Variants in RBFOX1 observed in about 807,000 individuals in gnomAD.
RBFOX1 encodes RNA binding fox-1 homolog 1, also known as RNA binding protein fox-1 homolog 1.
RBFOX1 carries 8 observed loss-of-function variants against 57.7 expected under a neutral mutation model. The ratio of observed to expected loss-of-function variants is 0.14; its 90% CI spans 0.08 to 0.25. The LOEUF is 0.25. Ranked by LOEUF, RBFOX1 falls within the 10% of genes least tolerant of loss-of-function variation. The pLI, the probability that RBFOX1 is intolerant of heterozygous loss-of-function variation, is 1.00. For missense variants in RBFOX1, 611 were observed against 548.5 expected (o/e 1.11, Z -1.14); for synonymous variants, 326 against 222.4 (o/e 1.47, Z -4.15).
chr16:6,475,856 A>T (rs1017017650), intron 2 of RBFOX1, among the ~76,000 whole-genome samples: 10 of 152,214 alleles, frequency 6.6e-5, no homozygotes, highest in African/African-American at 2.4e-4. Context: ...AACTTCTAGC[A>T]GAAAGGATAA....
chr16:6,655,113 C>T (rs1040423861), intron 3 of RBFOX1, among the ~76,000 whole-genome samples: 1 of 151,626 alleles, frequency 6.6e-6, no homozygotes, highest in African/African-American at 2.4e-5. Flanking sequence ...GTGGCTCATG[C>T]CTATAATCCC....
intron 1 of RBFOX1, among the ~76,000 whole-genome samples, chr16:5,379,484 A>T (rs2066075824): frequency 1.4e-5 from 2 of 147,234 alleles, no homozygotes; most frequent in Admixed American, 1.3e-4. Flanking sequence ...TGACACAGTC[A>T]TTCACACCTT....
At chr16:7,202,851 G>A (rs2088947203) in intron 4 of RBFOX1, among the ~76,000 whole-genome samples, 1 of 152,162 alleles carries the variant, frequency 6.6e-6, no homozygotes, top group Admixed American at 6.5e-5. Flanking sequence ...GGTCCCTGGT[G>A]CCAAAAAGGT....
At chr16:5,636,340 C>T (rs942745575) in intron 3 of RBFOX1, among the ~76,000 whole-genome samples, 2 of 152,152 alleles carry the variant, frequency 1.3e-5, no homozygotes, top group Admixed American at 6.5e-5. Flanking sequence ...AAGAGTGAAA[C>T]TCTGTCTCAA....
intron 3 of RBFOX1, among the ~76,000 whole-genome samples, chr16:5,666,613 A>T (rs1029381218): frequency 6.6e-6 from 1 of 152,248 alleles, no homozygotes; most frequent in Admixed American, 6.5e-5. Context: ...TAGAATCCAC[A>T]GAAGAAGGAG....
chr16:6,716,272 A>C (rs1342983103), intron 3 of RBFOX1, among the ~76,000 whole-genome samples: 2 of 152,160 alleles, frequency 1.3e-5, no homozygotes, highest in African/African-American at 4.8e-5. Flanking sequence ...ACTTACCACA[A>C]AGCCATCGTT....
At chr16:6,266,619 CAGGAG>C (rs2074531407) in intron 1 of RBFOX1, among the ~76,000 whole-genome samples, 1 of 151,766 alleles carries the variant, frequency 6.6e-6, no homozygotes, top group African/African-American at 2.4e-5. Flanking sequence ...GGGGCTGAGG[CAGGAG>C]AGTCCCTTGA....
chr16:5,636,537 G>A (rs1247503269), intron 3 of RBFOX1, among the ~76,000 whole-genome samples: 1 of 110,692 alleles, frequency 9.0e-6, no homozygotes, highest in African/African-American at 2.5e-5. Context: ...ATGGCCAGTG[G>A]CAAGGTCAGG....
chr16:5,993,193 C>A (rs117954793), intron 4 of RBFOX1, among the ~76,000 whole-genome samples: 2,080 of 152,256 alleles, frequency 0.014, 60 homozygotes, highest in South Asian at 0.11. Context: ...TAAGTAGCAA[C>A]ACATGGATGC....
At chr16:6,454,237 G>A (rs935490772) in intron 2 of RBFOX1, among the ~76,000 whole-genome samples, 5 of 152,162 alleles carry the variant, frequency 3.3e-5, no homozygotes, top group Non-Finnish European at 5.9e-5. Flanking sequence ...GGGCAAGTAT[G>A]CCATTCAGCA....
chr16:6,548,402 G>A (rs982634415), intron 2 of RBFOX1, among the ~76,000 whole-genome samples: 6 of 152,066 alleles, frequency 3.9e-5, no homozygotes, highest in African/African-American at 1.4e-4. Flanking sequence ...GTGTCTCTTT[G>A]GGCTTTTTAG....
chr16:5,398,391 G>C (rs1223421588), intron 1 of RBFOX1, among the ~76,000 whole-genome samples: 1 of 152,088 alleles, frequency 6.6e-6, no homozygotes, highest in Non-Finnish European at 1.5e-5. Flanking sequence ...GTGTATGCAT[G>C]TGAGGGTGCA....
In RBFOX1 at chr16:7,712,669, G is replaced by A. The variant is rs1568641697; in HGVS notation, c.*1924G>A. 6.6e-6 allele frequency: 1 copy of A among 152,228 alleles called. No individual in the cohort carries two copies. Among genetic ancestry groups the A allele is most frequent in the Non-Finnish European group, 1.5e-5 (1 of 68,038 alleles). The allele number at this position is 152,228 out of a possible 1,614,324, so 9.4% of individuals were successfully genotyped here. A position where few individuals can be genotyped will look rare whatever the true frequency, so the allele number is the denominator to read the frequency against. On this transcript the variant is annotated 3_prime_UTR_variant, in exon 16 of 16. Coordinates refer to ENST00000550418, the MANE Select transcript of RBFOX1 (RefSeq NM_018723.4). ...AGAGGGTGTTTTATAGCATCACTAAGACATTCTCATTCCCCCACCTGGAAA... is the reference window on the plus strand; with the variant it reads ...AGAGGGTGTTTTATAGCATCACTAAAACATTCTCATTCCCCCACCTGGAAA...
intron 3 of RBFOX1, among the ~76,000 whole-genome samples, chr16:5,677,823 G>C (rs760424845): frequency 1.6e-4 from 25 of 152,160 alleles, no homozygotes; most frequent in Non-Finnish European, 2.1e-4. Context: ...GTGTTCTGGA[G>C]GAACGTGTAA....
chr16:6,691,344 C>G (rs1380263374), intron 3 of RBFOX1, among the ~76,000 whole-genome samples: 1 of 152,138 alleles, frequency 6.6e-6, no homozygotes, highest in Non-Finnish European at 1.5e-5. Flanking sequence ...CTTAAGAAAG[C>G]TTATTTTGCC....
At chr16:6,856,358 G>A (rs1229065829) in intron 3 of RBFOX1, among the ~76,000 whole-genome samples, 1 of 152,138 alleles carries the variant, frequency 6.6e-6, no homozygotes, top group African/African-American at 2.4e-5. Flanking sequence ...GAGTAACTAG[G>A]ATGATGAGTA....
At chr16:5,446,680 A>C (rs912665163) in intron 1 of RBFOX1, among the ~76,000 whole-genome samples, 19 of 152,036 alleles carry the variant, frequency 1.2e-4, no homozygotes, top group African/African-American at 4.6e-4. Flanking sequence ...GTGATTCCAG[A>C]AGACCCTGTA....
At chr16:6,676,016 A>G (rs1458705320) in intron 3 of RBFOX1, among the ~76,000 whole-genome samples, 3 of 152,044 alleles carry the variant, frequency 2.0e-5, no homozygotes, top group African/African-American at 7.2e-5. Flanking sequence ...AGGTTCTCAA[A>G]AGGAAAAGAG....
chr16:7,449,606 C>G (rs557094443), intron 4 of RBFOX1, among the ~76,000 whole-genome samples: 2 of 151,932 alleles, frequency 1.3e-5, no homozygotes, highest in South Asian at 2.1e-4. Context: ...AATCTCTACT[C>G]AATTCAAGCC....
Sources: gnomAD v4.1 joint callset for allele counts (sites outside exome capture counted in the v4.1 genomes callset) on GRCh38, gnomAD v4.1.1 for gene constraint, MANE v1.5 for transcripts, NCBI Gene and HGNC (gene_info 2026-07-23, HGNC 2026-07-21) for gene names.